The following HDGFL3 variants were observed in gnomAD, a reference collection of about 807,000 sequenced individuals.
The protein encoded by HDGFL3 is hepatoma-derived growth factor-related protein 3.
In HDGFL3, 6 loss-of-function variants were observed where a neutral mutation model predicts 27.6. The observed-to-expected ratio is 0.22, with a 90% confidence interval of 0.12 to 0.43. HDGFL3 has a LOEUF of 0.43. HDGFL3 is among the 20% of genes least tolerant of loss of function. The pLI, the probability that HDGFL3 is intolerant of heterozygous loss-of-function variation, is 1.00. For synonymous variants in HDGFL3, 88 were observed against 88.9 expected (o/e 0.99, Z 0.05); for missense variants, 207 against 250.1 (o/e 0.83, Z 1.16).
intron 3 of HDGFL3, among the ~76,000 whole-genome samples, chr15:83,121,740 C>T (rs186375242): frequency 4.5e-4 from 69 of 152,308 alleles, no homozygotes; most frequent in Non-Finnish European, 2.9e-4. Flanking sequence ...TATAGTATAT[C>T]ACATGGCAAT....
intron 5 of HDGFL3, among the ~76,000 whole-genome samples, chr15:83,148,110 G>C (rs2036921736): frequency 6.6e-6 from 1 of 152,178 alleles, no homozygotes; most frequent in African/African-American, 2.4e-5. Flanking sequence ...TAATTAAAAA[G>C]CCTGACTATG....
chr15:83,147,622 G>C (rs1472967024), intron 5 of HDGFL3, among the ~76,000 whole-genome samples: 3 of 152,128 alleles, frequency 2.0e-5, no homozygotes, highest in African/African-American at 7.2e-5. Context: ...CAACAGAACA[G>C]AATAGAGAAC....
intron 4 of HDGFL3, among the ~76,000 whole-genome samples, chr15:83,154,018 A>G (rs1329315809): frequency 6.6e-6 from 1 of 152,076 alleles, no homozygotes; most frequent in Non-Finnish European, 1.5e-5. Flanking sequence ...CTCTTAAGAA[A>G]TAGACATAAA....
At chr15:83,173,973 A>C (rs976599933) in intron 1 of HDGFL3, among the ~76,000 whole-genome samples, 11 of 152,218 alleles carry the variant, frequency 7.2e-5, no homozygotes, top group Non-Finnish European at 2.9e-5. Flanking sequence ...GAACTGAATG[A>C]ACCATCTGTC....
chr15:83,138,038 C>T lies in HDGFL3; in HGVS notation c.*1232G>A, dbSNP rs1202314111. The T allele has an allele frequency of 6.6e-6, 1 of 152,184 alleles. No homozygotes were observed. Among genetic ancestry groups the T allele is most frequent in the African/African-American group, 2.4e-5 (1 of 41,360 alleles). The allele number at this position is 152,184 out of a possible 1,614,324, so 9.4% of individuals were successfully genotyped here. On this transcript the variant is annotated 3_prime_UTR_variant, in exon 6 of 6. Coordinates refer to ENST00000299633, the MANE Select transcript of HDGFL3 (RefSeq NM_016073.4). Reference sequence around the variant, plus strand: ...AAAGAAAGAAAAAGAAAAACCCTCACCTGCACTTGATTCTATTGTCAGCTT... The same window carrying T: ...AAAGAAAGAAAAAGAAAAACCCTCATCTGCACTTGATTCTATTGTCAGCTT...
chr15:83,123,309 T>A (rs1408282965), downstream of HDGFL3, among the ~76,000 whole-genome samples: 1 of 152,142 alleles, frequency 6.6e-6, no homozygotes, highest in African/African-American at 2.4e-5. Flanking sequence ...TACACAGCCA[T>A]ACAATCTTGA....
intron 5 of HDGFL3, among the ~76,000 whole-genome samples, chr15:83,148,688 G>A (rs1002521937): frequency 1.3e-5 from 2 of 151,778 alleles, no homozygotes; most frequent in Non-Finnish European, 1.5e-5. Flanking sequence ...ATCAATAGGA[G>A]ACTGGATAAA....
At chr15:83,203,330 T>C (rs2037673767) in intron 1 of HDGFL3, among the ~76,000 whole-genome samples, 1 of 152,120 alleles carries the variant, frequency 6.6e-6, no homozygotes, top group Non-Finnish European at 1.5e-5. Flanking sequence ...ATTTTACTAG[T>C]ATTTTATATG....
intron 1 of HDGFL3, among the ~76,000 whole-genome samples, chr15:83,188,502 G>A (rs1419511617): frequency 6.6e-6 from 1 of 152,052 alleles, no homozygotes; most frequent in Admixed American, 6.6e-5. Context: ...CGCCTACCTT[G>A]GCCTCCCAAA....
intron 1 of HDGFL3, chr15:83,181,030 T>C (rs1013334443): frequency 4.6e-5 from 7 of 152,142 alleles, no homozygotes; most frequent in African/African-American, 1.2e-4. Context: ...ATGTATGAAA[T>C]ATCAGGCTGA....
chr15:83,172,062 T>C (rs2037253040), intron 1 of HDGFL3, among the ~76,000 whole-genome samples: 1 of 152,196 alleles, frequency 6.6e-6, no homozygotes. Flanking sequence ...GCCCTCTCTA[T>C]GGCTCTGCTA....
chr15:83,169,857 A>T (rs2037223862), intron 1 of HDGFL3, among the ~76,000 whole-genome samples: 1 of 152,148 alleles, frequency 6.6e-6, no homozygotes. Context: ...GTAACTGACA[A>T]ATGACTTCAG....
Position 83,136,470 on chromosome 15 carries a change from A to T in HDGFL3, c.*2800T>A, listed in dbSNP as rs947792112. On this transcript the variant is annotated 3_prime_UTR_variant, in exon 6 of 6. Transcript: ENST00000299633. ...CATGCTTACTCAATTTTTTTTTTTT[A>T]AATGCAACAGGCTCAGTTTTCTCAC... 44 of 1,547,666 alleles carry T rather than the reference A, an allele frequency of 2.8e-5. No homozygotes were observed. The highest frequency in any genetic ancestry group is 8.7e-5 in the South Asian group (7 of 80,330).
At chr15:83,143,383 G>A (rs1049844721) in intron 5 of HDGFL3, among the ~76,000 whole-genome samples, 67 of 150,952 alleles carry the variant, frequency 4.4e-4, no homozygotes, top group Non-Finnish European at 7.4e-4. Flanking sequence ...TCTGGAGTTC[G>A]AGACCAGCCT....
chr15:83,172,214 A>G (rs1328852408), intron 1 of HDGFL3, among the ~76,000 whole-genome samples: 1 of 152,224 alleles, frequency 6.6e-6, no homozygotes, highest in East Asian at 1.9e-4. Context: ...GGGGCTGGAC[A>G]GAGACAGAAA....
chr15:83,143,023 CT>C (rs774809275), intron 5 of HDGFL3, among the ~76,000 whole-genome samples: 15 of 149,510 alleles, frequency 1.0e-4, no homozygotes, highest in African/African-American at 3.7e-4. Flanking sequence ...CCCTTAATAA[CT>C]TTTTTTTTTG....
At chr15:83,119,084 G>A (rs780639439) in intron 3 of HDGFL3, among the ~76,000 whole-genome samples, 1 of 152,154 alleles carries the variant, frequency 6.6e-6, no homozygotes, top group Non-Finnish European at 1.5e-5. Context: ...CTCCGAGTTC[G>A]GTGCCTGCCT....
rs2037128670 is a variant in HDGFL3 at position 83,163,703 on chromosome 15, G to A, written c.161+296C>T. ...TATAAGAGCAATAGAAGAAATTACT[G>A]GGAGTGGTACAGAAACCACTCTAGG... On this transcript the variant is annotated intron_variant, in intron 2 of 5. Transcript: ENST00000299633. 6 of 268,518 alleles carry A rather than the reference G, an allele frequency of 2.2e-5. No homozygotes were observed. The South Asian group carries it at 2.3e-4, about 10-fold the overall frequency. The allele number at this position is 268,518 out of a possible 1,614,324, so 16.6% of individuals were successfully genotyped here. A position where few individuals can be genotyped will look rare whatever the true frequency, so the allele number is the denominator to read the frequency against.
intron 3 of HDGFL3, chr15:83,116,080 T>C (rs1877339044): frequency 3.0e-6 from 2 of 668,304 alleles, no homozygotes; most frequent in Non-Finnish European, 5.2e-6. Flanking sequence ...TAGCCTTAGG[T>C]CGCTTAGTCA....
Sources: allele counts gnomAD v4.1 joint callset (sites outside exome capture counted in the v4.1 genomes callset), GRCh38; gene constraint gnomAD v4.1.1; transcripts MANE v1.5; gene names NCBI Gene and HGNC (gene_info 2026-07-23, HGNC 2026-07-21).